The following CIITA variants were observed in gnomAD, a reference collection of about 807,000 sequenced individuals.
CIITA encodes MHC class II transactivator.
In CIITA, 72 loss-of-function variants were observed where a neutral mutation model predicts 115.1. The ratio of observed to expected loss-of-function variants is 0.63; its 90% confidence interval spans 0.52 to 0.76. The LOEUF is 0.76. Among genes scored for constraint, CIITA ranks in the 30% least tolerant of loss-of-function variants. The pLI, the probability that CIITA is intolerant of heterozygous loss-of-function variation, is 0.00. For missense variants in CIITA, 1,617 were observed against 1,463.8 expected (o/e 1.10, Z -1.71); for synonymous variants, 763 against 635.6 (o/e 1.20, Z -3.02).
In CIITA at chr16:10,881,668, G is replaced by A. The variant is rs117498118; in HGVS notation, c.52+4286G>A. On this transcript the variant is annotated intron_variant, in intron 1 of 19. Coordinates refer to ENST00000324288, the MANE Select transcript of CIITA (RefSeq NM_000246.4). ...AAAGTTTTCTTTTTGTAAAATCATGGTAAAATACATATAACATAAAATTTA... is the reference window on the plus strand; with the variant it reads ...AAAGTTTTCTTTTTGTAAAATCATGATAAAATACATATAACATAAAATTTA... 1.1e-4 allele frequency among the ~76,000 whole-genome samples: 17 copies of A among 152,256 alleles called. No individual in the cohort carries two copies. The East Asian group carries it at 3.3e-3, about 29-fold the overall frequency.
rs994847809 is a variant in CIITA, at chr16:10,901,079, C to A, written c.437-435C>A. On this transcript the variant is annotated intron_variant, in intron 5 of 19. Transcript: ENST00000324288. The surrounding 1 kb of genome is among the most constrained non-coding windows in gnomAD (Gnocchi z 6.8). ...GCTAAGGGACACGTGGGTTTTTAAT[C>A]TGTTGCTGTGAGTGCTTGATACTCA... 2.6e-5 allele frequency among the ~76,000 whole-genome samples: 4 copies of A among 152,114 alleles called. No homozygotes were observed. The highest frequency in any genetic ancestry group is 5.9e-5 in the Non-Finnish European group (4 of 68,018).
rs1567470544 is a variant in CIITA at position 10,941,693 on chromosome 16, G to C, written n.819G>C. 1.9e-6 allele frequency: 3 copies of C among 1,587,826 alleles called. No homozygotes were observed. The highest frequency in any genetic ancestry group is 2.3e-5 in the South Asian group (2 of 86,326). ...GGGCATGGGTTGCGGATCGTGTAGG[G>C]AAGAGGGGAACAGCAGTCGAGACCC... is the stretch of plus-strand genomic sequence containing the variant. On this transcript the variant is annotated non_coding_transcript_exon_variant, in exon 2 of 2. Transcript: ENST00000573379. The surrounding 1 kb of genome is among the most constrained non-coding windows in gnomAD (Gnocchi z 6.4).
At chr16:10,877,619 G>A (rs940077089) in intron 1 of CIITA, among the ~76,000 whole-genome samples, 2 of 152,198 alleles carry the variant, frequency 1.3e-5, no homozygotes, top group Non-Finnish European at 1.5e-5. Context: ...AGCACCGAAA[G>A]GTTCTAGAAG....
chr16:10,892,347 G>A (rs1376153976), intron 1 of CIITA, among the ~76,000 whole-genome samples: 1 of 151,598 alleles, frequency 6.6e-6, no homozygotes, highest in African/African-American at 2.4e-5. Flanking sequence ...AAAAGAAAAT[G>A]AGTCTCAGGA....
chr16:10,906,300 CA>C, intron 10 of CIITA, among the ~76,000 whole-genome samples, 198 bp from the exon 11 acceptor site: 1 of 152,278 alleles, frequency 6.6e-6, no homozygotes, highest in East Asian at 1.9e-4. Context: ...GTTGAGGTTG[CA>C]GCGAGCTGTG....
chr16:10,867,539 G>A (rs1483978383), intron 1 of CIITA, among the ~76,000 whole-genome samples: 1 of 151,984 alleles, frequency 6.6e-6, no homozygotes, highest in Non-Finnish European at 1.5e-5. Context: ...GAAAAAGGGA[G>A]AAGGTGGGGG....
rs79800416 is a variant in CIITA at position 10,923,656 on chromosome 16, T to C, written c.*23-222T>C. Among the ~76,000 whole-genome samples, 2,143 of 152,222 alleles carry C rather than the reference T, an allele frequency of 0.014. 51 individuals carry two copies. Among genetic ancestry groups the C allele is most frequent in the African/African-American group, 0.049 (2,048 of 41,520 alleles). On this transcript the variant is annotated intron_variant, in intron 19 of 19. Transcript: ENST00000324288. The surrounding 1 kb of genome is among the most constrained non-coding windows in gnomAD (Gnocchi z 5.2). ...TGTTTCGGCTTGGTGGCTGCCCTGA[T>C]GCTCCGGGTTTGTCTCAGATGAACT...
chr16:10,886,274 A>C (rs2036943335), intron 1 of CIITA, among the ~76,000 whole-genome samples: 1 of 152,010 alleles, frequency 6.6e-6, no homozygotes, highest in Non-Finnish European at 1.5e-5. Flanking sequence ...CTATGTTTTT[A>C]GGATCTACTT....
chr16:10,876,090 G>T (rs2035820217), upstream of CIITA, among the ~76,000 whole-genome samples: 1 of 152,196 alleles, frequency 6.6e-6, no homozygotes, highest in African/African-American at 2.4e-5. Context: ...CCGGGAGGCG[G>T]AGGTTGCAGC....
intron 9 of CIITA, 82 bp from the exon 10 acceptor site, chr16:10,904,662 T>C (rs1330169156): frequency 2.1e-6 from 3 of 1,449,238 alleles, no homozygotes; most frequent in African/African-American, 2.8e-5. Context: ...ATGAAGGCTG[T>C]AAGGACTAAG....
At position 10,907,663 on chromosome 16, in the gene CIITA, T is replaced by C; in HGVS notation, c.2171T>C (p.Leu724Pro). The C allele has an allele frequency of 1.2e-6, 2 of 1,614,210 alleles. No homozygotes were observed. Among genetic ancestry groups the C allele is most frequent in the Non-Finnish European group, 1.7e-6 (2 of 1,180,028 alleles). ...QCFLGALWLA[L>P]SGEIKDKELP... ...TTCCTGGGGGCCCTGTGGCTGGCTC[T>C]GAGTGGCGAAATCAAGGACAAGGAG... The change falls in exon 11 of 20, where the codon CTG becomes CCG. Residue 724 changes from leucine (L) to proline (P), a missense_variant. Leu to Pro is a moderately conservative substitution (Grantham distance 98). Coordinates refer to ENST00000324288, the MANE Select transcript of CIITA (RefSeq NM_000246.4). This position sits in a 1 kb window ranked among gnomAD's most constrained non-coding sequence, Gnocchi z 5.0.
chr16:10,883,142 C>A (rs2036594343), intron 1 of CIITA, among the ~76,000 whole-genome samples: 1 of 152,110 alleles, frequency 6.6e-6, no homozygotes, highest in African/African-American at 2.4e-5. Context: ...TAAGTAGAGC[C>A]GGATGGGTCA....
upstream of CIITA, among the ~76,000 whole-genome samples, chr16:10,875,871 G>T (rs567749361): frequency 1.3e-5 from 2 of 152,176 alleles, no homozygotes; most frequent in Non-Finnish European, 2.9e-5. Flanking sequence ...AAATTAGCTG[G>T]ATGTAGGAGA....
rs1596632529 is a variant in CIITA at position 10,927,011 on chromosome 16, A to G, written c.*3156A>G. 2 of 152,358 alleles carry G rather than the reference A, an allele frequency of 1.3e-5. No individual in the cohort carries two copies. Among genetic ancestry groups the G allele is most frequent in the Non-Finnish European group, 2.9e-5 (2 of 68,040 alleles). The allele number at this position is 152,358 out of a possible 1,614,324, so 9.4% of individuals were successfully genotyped here. A position where few individuals can be genotyped will look rare whatever the true frequency, so the allele number is the denominator to read the frequency against. ...TCTAGAACGAGATTGCCTGGGCTCA[A>G]CGCCCACCTCACCACTTACTTATGC... On this transcript the variant is annotated 3_prime_UTR_variant, in exon 20 of 20. Transcript: ENST00000324288.
rs754361311 is a variant in CIITA at position 10,898,657 on chromosome 16, C to G, written c.296-13C>G. On this transcript the variant is annotated splice_polypyrimidine_tract_variant and intron_variant, in intron 3 of 19. Coordinates refer to ENST00000324288, the MANE Select transcript of CIITA (RefSeq NM_000246.4). Reference sequence around the variant, plus strand: ...ACCTTGTTGATTGACTGCGCTTTTCCTTGTCTGGGCAGCGGAACTGGACCA... The same window carrying G: ...ACCTTGTTGATTGACTGCGCTTTTCGTTGTCTGGGCAGCGGAACTGGACCA... 8 of 1,605,372 alleles carry G rather than the reference C, an allele frequency of 5.0e-6. No homozygotes were observed. Among genetic ancestry groups the G allele is most frequent in the Middle Eastern group, 1.7e-4 (1 of 6,048 alleles).
intron 1 of CIITA, chr16:10,866,574 T>A: frequency 1.9e-6 from 1 of 533,254 alleles, no homozygotes; most frequent in South Asian, 1.4e-5. Flanking sequence ...ACCATGGTGG[T>A]AAGTTGGCAT....
rs1473914676 is a variant in CIITA, at chr16:10,924,484, C to G, written c.*629C>G. On this transcript the variant is annotated 3_prime_UTR_variant, in exon 20 of 20. Transcript: ENST00000324288. ...TTGACCTCAGGTGATCCACCCACCT[C>G]AGCCTCCCAAAGTGCTGGGATTACA... is the stretch of plus-strand genomic sequence containing the variant. 1 of 152,428 alleles carries G rather than the reference C, an allele frequency of 6.6e-6. No individual in the cohort carries two copies. 9.4% of individuals were successfully genotyped at this position (152,428 alleles called of 1,614,324 possible). A position where few individuals can be genotyped will look rare whatever the true frequency, so the allele number is the denominator to read the frequency against.
rs8043816 is a variant in CIITA at position 10,928,792 on chromosome 16, C to G, written c.*4937C>G. The G allele has an allele frequency of 0.24, 36,119 of 152,326 alleles. 4,603 individuals are homozygous for G. Among genetic ancestry groups the G allele is most frequent in the South Asian group, 0.32 (1,545 of 4,822 alleles). 9.4% of individuals were successfully genotyped at this position (152,326 alleles called of 1,614,324 possible). ...CCAGCCCGACTGGGGCAGACTCTCT[C>G]AACCCCACTGGATCTTCTGCTGTTT... On this transcript the variant is annotated 3_prime_UTR_variant, in exon 20 of 20. Transcript: ENST00000324288.
At position 10,906,485 on chromosome 16, in the gene CIITA, C is replaced by G. The variant is rs928795511; in HGVS notation, c.1007-14C>G. On this transcript the variant is annotated splice_polypyrimidine_tract_variant and intron_variant, in intron 10 of 19. Transcript: ENST00000324288. ...TCACATACCCCCACCCTGACACGCC[C>G]CTGGCCTTTGCAGAGCCGGTGGAGC... The G allele has an allele frequency of 1.2e-6, 2 of 1,611,344 alleles. No individual in the cohort carries two copies. Among genetic ancestry groups the G allele is most frequent in the Non-Finnish European group, 1.7e-6 (2 of 1,179,798 alleles).
Sources: gnomAD v4.1 joint callset for allele counts (sites outside exome capture counted in the v4.1 genomes callset) on GRCh38, gnomAD v4.1.1 for gene constraint, Gnocchi (gnomAD v3.1) non-coding constraint, MANE v1.5 for transcripts, NCBI Gene and HGNC (gene_info 2026-07-23, HGNC 2026-07-21) for gene names.